The following PPARGC1A variants were observed in gnomAD, a reference collection of about 807,000 sequenced individuals.
PPARGC1A encodes the protein PPARG coactivator 1 alpha.
Under a neutral mutation model 88.7 loss-of-function variants are expected in PPARGC1A, and 25 were observed. That is an observed-to-expected ratio of 0.28 (90% CI 0.21 to 0.39). The LOEUF (loss-of-function observed/expected upper bound fraction) is 0.39. PPARGC1A is among the 10% of genes least tolerant of loss of function. PPARGC1A has a pLI of 1.00. For missense variants in PPARGC1A, 880 were observed against 968.7 expected, an observed-to-expected ratio of 0.91 and a Z score of 1.22; for synonymous variants, 363 against 355.6, an observed-to-expected ratio of 1.02 and a Z score of -0.24.
chr4:23,976,920 C>T, the PPARGC1A span, among the ~76,000 whole-genome samples: 3 of 151,096 alleles, frequency 2.0e-5, no homozygotes, highest in Non-Finnish European at 2.9e-5. Flanking sequence ...CAAGAACTTG[C>T]GGTTTCTCTG....
chr4:23,907,643 T>C (rs572101742), upstream of PPARGC1A, among the ~76,000 whole-genome samples: 22 of 152,306 alleles, frequency 1.4e-4, no homozygotes, highest in South Asian at 4.3e-3. Flanking sequence ...ACATGGGAAT[T>C]CAAGAGGACT....
chr4:23,846,453 C>G (rs1728341858), intron 2 of PPARGC1A, among the ~76,000 whole-genome samples: 2 of 152,206 alleles, frequency 1.3e-5, no homozygotes, highest in Non-Finnish European at 2.9e-5. Context: ...GGCAAAGACT[C>G]TGTCTCTTAC....
At chr4:23,970,813 A>T in the PPARGC1A span, among the ~76,000 whole-genome samples, 2 of 152,184 alleles carry the variant, frequency 1.3e-5, no homozygotes, top group Non-Finnish European at 2.9e-5. Flanking sequence ...AACGATTTTC[A>T]TTAAAGGTCA....
At chr4:23,997,963 T>A in the PPARGC1A span, among the ~76,000 whole-genome samples, 1 of 152,232 alleles carries the variant, frequency 6.6e-6, no homozygotes, top group East Asian at 1.9e-4. Context: ...ACTAGATCTA[T>A]GATATTCTTC....
chr4:24,137,208 G>A, the PPARGC1A span, among the ~76,000 whole-genome samples: 2 of 151,950 alleles, frequency 1.3e-5, no homozygotes, highest in Non-Finnish European at 2.9e-5. Context: ...GAGAGATTAG[G>A]ACACAGACAC....
At chr4:24,351,154 C>G in the PPARGC1A span, among the ~76,000 whole-genome samples, 1 of 151,626 alleles carries the variant, frequency 6.6e-6, no homozygotes, top group Non-Finnish European at 1.5e-5. Flanking sequence ...TGGCTTGAGC[C>G]CAGGAGCCAA....
At chr4:23,885,038 A>C (rs1236483158) in intron 1 of PPARGC1A, 107 bp from the exon 2 acceptor site, 1 of 973,846 alleles carries the variant, frequency 1.0e-6, no homozygotes, top group Non-Finnish European at 1.4e-6. Context: ...ATTCAACTAC[A>C]CTACCAAAGC....
the PPARGC1A span, among the ~76,000 whole-genome samples, chr4:24,471,198 G>C: frequency 6.6e-6 from 1 of 151,860 alleles, no homozygotes; most frequent in African/African-American, 2.4e-5. The surrounding 1 kb of genome is among the most constrained non-coding windows in gnomAD (Gnocchi z 5.4). Flanking sequence ...GCGCTCCGCG[G>C]GGCCCGGGAA....
At chr4:24,208,708 TTTATA>T in the PPARGC1A span, among the ~76,000 whole-genome samples, 2 of 148,638 alleles carry the variant, frequency 1.3e-5, no homozygotes, top group African/African-American at 2.4e-5. Flanking sequence ...TATATTCATA[TTTATA>T]TTATATATTA....
chr4:24,056,247 T>G, the PPARGC1A span, among the ~76,000 whole-genome samples: 8 of 152,216 alleles, frequency 5.3e-5, no homozygotes, highest in African/African-American at 1.9e-4. Flanking sequence ...GGGCTATCAA[T>G]TCTTCTTTTT....
the PPARGC1A span, among the ~76,000 whole-genome samples, chr4:24,147,496 C>T: frequency 1.3e-5 from 2 of 152,278 alleles, no homozygotes; most frequent in East Asian, 1.9e-4. Flanking sequence ...CTGCCCACAG[C>T]CCCTTCTGAA....
the PPARGC1A span, among the ~76,000 whole-genome samples, chr4:24,384,093 A>G: frequency 6.6e-6 from 1 of 152,182 alleles, no homozygotes; most frequent in South Asian, 2.1e-4. Context: ...ATTCTTAAAG[A>G]AAAGAATTTT....
the PPARGC1A span, among the ~76,000 whole-genome samples, chr4:24,123,812 T>C: frequency 6.6e-6 from 1 of 151,264 alleles, no homozygotes; most frequent in South Asian, 2.1e-4. Flanking sequence ...TCTTTTCAGA[T>C]GGAGTGTGCT....
the PPARGC1A span, among the ~76,000 whole-genome samples, chr4:24,241,490 TC>T: frequency 3.0e-4 from 46 of 152,354 alleles, no homozygotes; most frequent in East Asian, 8.9e-3. Context: ...TTATTTTGCA[TC>T]CTTATTGGTC....
At chr4:23,912,247 G>A in the PPARGC1A span, among the ~76,000 whole-genome samples, 7 of 152,104 alleles carry the variant, frequency 4.6e-5, no homozygotes, top group South Asian at 4.1e-4. Flanking sequence ...TTGCAGAGTA[G>A]GACTTAACAC....
At chr4:23,925,074 T>C in the PPARGC1A span, among the ~76,000 whole-genome samples, 1,442 of 152,358 alleles carry the variant, frequency 9.5e-3, 7 homozygotes, top group Non-Finnish European at 0.015. Flanking sequence ...AATTTTCTTC[T>C]AAAATGCAAA....
chr4:24,421,772 A>G, the PPARGC1A span, among the ~76,000 whole-genome samples: 1 of 152,174 alleles, frequency 6.6e-6, no homozygotes, highest in Non-Finnish European at 1.5e-5. Context: ...CTGAGAGTCA[A>G]ATTTTAAGCT....
At chr4:24,212,558 C>CT in the PPARGC1A span, among the ~76,000 whole-genome samples, 1 of 152,120 alleles carries the variant, frequency 6.6e-6, no homozygotes, top group African/African-American at 2.4e-5. Flanking sequence ...TGCCTGGTGC[C>CT]TGGTATACTC....
chr4:24,306,791 C>G, the PPARGC1A span, among the ~76,000 whole-genome samples: 2 of 152,144 alleles, frequency 1.3e-5, no homozygotes, highest in South Asian at 4.2e-4. Context: ...AGACCCTCTA[C>G]AAAGTAGTAA....
Sources: gnomAD v4.1 joint callset for allele counts (sites outside exome capture counted in the v4.1 genomes callset) on GRCh38, gnomAD v4.1.1 for gene constraint, Gnocchi (gnomAD v3.1) non-coding constraint, MANE v1.5 for transcripts, NCBI Gene and HGNC (gene_info 2026-07-23, HGNC 2026-07-21) for gene names.